The following GEMIN8 variants were observed in gnomAD, a reference collection of about 807,000 sequenced individuals.
The protein encoded by GEMIN8 is gem-associated protein 8.
For synonymous variants in GEMIN8, 80 were observed against 78.5 expected (o/e 1.02, Z -0.10); for missense variants, 185 against 205.9 (o/e 0.90, Z 0.62).
chrX:13,987,027 T>G, the GEMIN8 span, among the ~76,000 whole-genome samples: 1 of 112,440 alleles, frequency 8.9e-6, no homozygotes, highest in Non-Finnish European at 1.9e-5. Flanking sequence ...TTTTTAATGT[T>G]AAAATGTTAT....
the GEMIN8 span, among the ~76,000 whole-genome samples, chrX:13,996,933 CTTTTTTTTTT>C: frequency 4.5e-5 from 3 of 66,919 alleles, no homozygotes; most frequent in African/African-American, 1.9e-4. Flanking sequence ...TGTGGCTTGT[CTTTTTTTTTT>C]TTTTTTTTTT....
downstream of GEMIN8, among the ~76,000 whole-genome samples, chrX:14,002,329 TGATAGATA>T (rs58599457): frequency 0.11 from 11,012 of 99,411 alleles, 552 homozygotes; most frequent in Middle Eastern, 0.2. Flanking sequence ...GATAGATAGG[TGATAGATA>T]GATAGATAGA....
intron 4 of GEMIN8, among the ~76,000 whole-genome samples, chrX:14,014,800 G>C (rs1319792112): frequency 9.0e-6 from 1 of 111,209 alleles, no homozygotes; most frequent in Non-Finnish European, 1.9e-5. Flanking sequence ...AACCACATCT[G>C]GGCTCTCTGG....
At chrX:14,002,348 T>TAGAC (rs1229353377), downstream of GEMIN8, among the ~76,000 whole-genome samples, 2 of 109,189 alleles carry the variant, frequency 1.8e-5, no homozygotes, top group Non-Finnish European at 1.9e-5. Flanking sequence ...GATAGATAGA[T>TAGAC]AGATAGATAG....
intron 2 of GEMIN8, among the ~76,000 whole-genome samples, chrX:14,022,068 G>GTATATATATA (rs1390938206): frequency 1.0e-5 from 1 of 99,360 alleles, no homozygotes; most frequent in Non-Finnish European, 2.0e-5. Flanking sequence ...GTGTGTGTGT[G>GTATATATATA]TATATATATA....
At chrX:14,023,883 A>T (rs993291737) in intron 2 of GEMIN8, among the ~76,000 whole-genome samples, 1 of 112,497 alleles carries the variant, frequency 8.9e-6, no homozygotes, top group Non-Finnish European at 1.9e-5. Context: ...CTTTCTACGC[A>T]TCATAAGGCA....
Position 14,006,950 on chromosome X carries a change from G to A in GEMIN8, c.*1963C>T, listed in dbSNP as rs1398678392. Among the ~76,000 whole-genome samples, 2 of 111,905 alleles carry A rather than the reference G, an allele frequency of 1.8e-5. No homozygotes were observed. The highest frequency in any genetic ancestry group is 6.5e-5 in the African/African-American group (2 of 30,744). On this transcript the variant is annotated 3_prime_UTR_variant, in exon 5 of 5. Coordinates refer to ENST00000680255, the MANE Select transcript of GEMIN8 (RefSeq NM_001042479.2). ...AGGGGAGGGTATAAGAGTCCTTTGC[G>A]AAGAGAAACATTTCACTTTCAAATG... is the stretch of plus-strand genomic sequence containing the variant.
intron 4 of GEMIN8, among the ~76,000 whole-genome samples, chrX:14,010,957 A>C (rs957913230): frequency 2.7e-5 from 3 of 112,438 alleles, no homozygotes; most frequent in East Asian, 5.6e-4. Flanking sequence ...CAAGTGTTTA[A>C]ATTCTATGCC....
At chrX:14,014,108 A>G in intron 4 of GEMIN8, 1 of 750,075 alleles carries the variant, frequency 1.3e-6, no homozygotes, top group Non-Finnish European at 1.6e-6. Context: ...TTCCACACAT[A>G]GAGCCCAAAG....
chrX:14,012,933 C>T (rs1335397855), intron 4 of GEMIN8, among the ~76,000 whole-genome samples: 1 of 111,291 alleles, frequency 9.0e-6, no homozygotes, highest in Non-Finnish European at 1.9e-5. Context: ...CTTACTCACA[C>T]AATTTTTTAA....
At chrX:13,994,020 T>C in the GEMIN8 span, among the ~76,000 whole-genome samples, 1 of 111,108 alleles carries the variant, frequency 9.0e-6, no homozygotes, top group African/African-American at 3.3e-5. Context: ...CATCAGTAGG[T>C]CCCCACACCA....
chrX:14,024,328 A>T (rs781270470), intron 2 of GEMIN8, among the ~76,000 whole-genome samples: 26 of 111,173 alleles, frequency 2.3e-4, no homozygotes, highest in Admixed American at 2.0e-3. Context: ...GTGAAACCCC[A>T]TGTCTACTAA....
chrX:14,016,968 T>G (rs1014530877), intron 4 of GEMIN8, among the ~76,000 whole-genome samples: 1 of 105,129 alleles, frequency 9.5e-6, no homozygotes, highest in East Asian at 3.0e-4. Context: ...ATAATCCATG[T>G]TAAAGGATGG....
At chrX:13,986,608 C>T in the GEMIN8 span, among the ~76,000 whole-genome samples, 123 of 112,396 alleles carry the variant, frequency 1.1e-3, no homozygotes, top group African/African-American at 3.8e-3. Context: ...GTGGAATGGG[C>T]ATGCACCAGC....
At chrX:13,998,822 AGAATACAAGGC>A in the GEMIN8 span, among the ~76,000 whole-genome samples, 1 of 112,130 alleles carries the variant, frequency 8.9e-6, no homozygotes, top group African/African-American at 3.2e-5. Context: ...GGTGGTTAGG[AGAATACAAGGC>A]AGGTAATGTG....
Position 14,020,390 on chromosome X carries a change from A to G in GEMIN8, c.160T>C (p.Trp54Arg). ...GGAAGAAGCGCAGAAGGTAAGTACC[A>G]TGGAAGATTGAAACAGGATTCCACG... ...KAVESCFNLPWYLPSALLPQS... is the reference protein window; with the variant it reads ...KAVESCFNLPRYLPSALLPQS... The change falls in exon 4 of 5, where the codon TGG (tryptophan) becomes CGG (arginine). Residue 54 changes from tryptophan (W) to arginine (R), a missense_variant. By Grantham distance (101) the Trp-to-Arg change is moderately radical. Coordinates refer to ENST00000680255, the MANE Select transcript of GEMIN8 (RefSeq NM_001042479.2). 1 of 1,210,768 alleles carries G rather than the reference A, an allele frequency of 8.3e-7. No individual in the cohort carries two copies. Among genetic ancestry groups the G allele is most frequent in the Non-Finnish European group, 1.1e-6 (1 of 894,408 alleles).
rs1923240429 is a variant in GEMIN8 at position 14,007,690 on chromosome X, G to A, written c.*1223C>T. ...CTACAGGTGCCCGCCACCACGCCCGGCTAATTTTTTGTATTTTTAGTAGAG... is the reference window on the plus strand; with the variant it reads ...CTACAGGTGCCCGCCACCACGCCCGACTAATTTTTTGTATTTTTAGTAGAG... On this transcript the variant is annotated 3_prime_UTR_variant, in exon 5 of 5. Transcript: ENST00000680255. Among the ~76,000 whole-genome samples the A allele has an allele frequency of 9.1e-6, 1 of 109,804 alleles. No individual in the cohort carries two copies. The highest frequency in any genetic ancestry group is 9.8e-5 in the Admixed American group (1 of 10,246).
At chrX:13,995,151 C>T in the GEMIN8 span, among the ~76,000 whole-genome samples, 1,402 of 111,709 alleles carry the variant, frequency 0.013, 12 homozygotes, top group South Asian at 0.022. Flanking sequence ...CACTCAATGG[C>T]GACATTACCC....
At chrX:14,009,556 A>G (rs938728755) in intron 4 of GEMIN8, among the ~76,000 whole-genome samples, 2 of 111,489 alleles carry the variant, frequency 1.8e-5, no homozygotes, top group Admixed American at 9.5e-5. Flanking sequence ...CAAAAAAAAA[A>G]GAAAAAGAAA....
Sources: allele counts gnomAD v4.1 joint callset (sites outside exome capture counted in the v4.1 genomes callset), GRCh38; gene constraint gnomAD v4.1.1; transcripts MANE v1.5; gene names NCBI Gene and HGNC (gene_info 2026-07-23, HGNC 2026-07-21).